Variants in ANKRD55 observed in about 807,000 individuals in gnomAD.
The protein encoded by ANKRD55 is ankyrin repeat domain-containing protein 55.
A neutral mutation model predicts 60.6 loss-of-function variants in ANKRD55; 41 were observed. That is an observed-to-expected ratio of 0.68 (90% CI 0.53 to 0.88). The LOEUF (loss-of-function observed/expected upper bound fraction) is 0.88, where lower values mean the gene tolerates loss of function less well. Among genes scored for constraint, ANKRD55 ranks in the 40% least tolerant of loss-of-function variants. ANKRD55 has a pLI of 0.00. For missense variants in ANKRD55, 732 were observed against 767.6 expected (o/e 0.95, Z 0.55); for synonymous variants, 264 against 290.3 (o/e 0.91, Z 0.92).
chr5:56,145,843 T>C (rs993237545), intron 6 of ANKRD55, among the ~76,000 whole-genome samples: 1 of 152,146 alleles, frequency 6.6e-6, no homozygotes, highest in East Asian at 1.9e-4. Context: ...TTTCAAGAAA[T>C]TGGTTCCATA....
intron 2 of ANKRD55, among the ~76,000 whole-genome samples, chr5:56,216,463 A>T (rs568707675): frequency 2.2e-4 from 33 of 152,378 alleles, no homozygotes; most frequent in Admixed American, 9.8e-4. Context: ...AAAGCTAGAA[A>T]TGATTAAGCT....
intron 6 of ANKRD55, among the ~76,000 whole-genome samples, chr5:56,144,350 C>T (rs897210095): frequency 2.9e-4 from 44 of 152,126 alleles, no homozygotes; most frequent in African/African-American, 1.0e-3. Context: ...AAGAGGACAG[C>T]CAACACCAAG....
At chr5:56,158,463 A>G (rs1326885250) in intron 6 of ANKRD55, among the ~76,000 whole-genome samples, 2 of 152,218 alleles carry the variant, frequency 1.3e-5, no homozygotes, top group Non-Finnish European at 2.9e-5. Flanking sequence ...ACTGCATTTT[A>G]AAAGAGTTAA....
chr5:56,159,870 T>G lies in ANKRD55; in HGVS notation c.446A>C (p.Gln149Pro). ...DMRLLTVLLQ[Q>P]SNISEINHQD... The stretch of plus-strand genomic sequence containing the variant: ...GTGATTAATCTCGCTGATGTTCGAC[T>G]GTTGCAACAGGACCGTGAGGAGCCT... Residue 149 changes from glutamine to proline, a missense_variant, in exon 6 of 12, where the codon CAG becomes CCG. Gln to Pro is a moderately conservative substitution (Grantham distance 76, BLOSUM62 -1). Transcript: ENST00000341048. 6.2e-7 allele frequency: 1 copy of G among 1,613,936 alleles called. No homozygotes were observed. Among genetic ancestry groups the G allele is most frequent in the South Asian group, 1.1e-5 (1 of 91,074 alleles).
At chr5:56,116,894 T>C in intron 8 of ANKRD55, 112 bp from the exon 9 acceptor site, 3 of 1,164,682 alleles carry the variant, frequency 2.6e-6, no homozygotes, top group Non-Finnish European at 3.5e-6. Context: ...AAAATCTTGT[T>C]GCCATTTACA....
rs1437995438 is a variant in ANKRD55 at position 56,132,868 on chromosome 5, A to G, written c.613-5762T>C. Among the ~76,000 whole-genome samples, 7 of 152,332 alleles carry G rather than the reference A, an allele frequency of 4.6e-5. No individual in the cohort carries two copies. The East Asian group carries it at 9.6e-4, about 21-fold the overall frequency. ...TAACCAAAAGAAAGCAGGAGTAGCT[A>G]TATATTATAATTCTAGACAGTGCAG... On this transcript the variant is annotated intron_variant, in intron 7 of 11. Coordinates refer to ENST00000341048, the MANE Select transcript of ANKRD55 (RefSeq NM_024669.3).
chr5:56,225,707 C>A (rs574975809), intron 2 of ANKRD55, among the ~76,000 whole-genome samples: 4 of 152,156 alleles, frequency 2.6e-5, no homozygotes, highest in African/African-American at 7.2e-5. Context: ...AACAGAGAGC[C>A]AAATCATGAG....
intron 2 of ANKRD55, among the ~76,000 whole-genome samples, chr5:56,223,879 A>T (rs1026767465): frequency 1.5e-4 from 23 of 152,192 alleles, no homozygotes; most frequent in Non-Finnish European, 2.9e-5. Flanking sequence ...CTCCCACACA[A>T]TAATAATGGG....
chr5:56,223,768 A>T (rs1319475577), intron 2 of ANKRD55, among the ~76,000 whole-genome samples: 1 of 152,252 alleles, frequency 6.6e-6, no homozygotes, highest in Non-Finnish European at 1.5e-5. Flanking sequence ...TGATAAAGGG[A>T]TCAATTAAAC....
intron 1 of ANKRD55, 37 bp from the exon 2 acceptor site, chr5:56,232,983 CAACA>C: frequency 6.9e-7 from 1 of 1,448,980 alleles, no homozygotes; most frequent in Non-Finnish European, 9.7e-7. Context: ...ACCTTACTGT[CAACA>C]TGACAGTCAG....
intron 5 of ANKRD55, among the ~76,000 whole-genome samples, chr5:56,161,177 C>T (rs1406380878): frequency 6.6e-6 from 1 of 151,702 alleles, no homozygotes; most frequent in African/African-American, 2.4e-5. Flanking sequence ...AATACCTGGA[C>T]TCTGTACTCA....
intron 9 of ANKRD55, among the ~76,000 whole-genome samples, chr5:56,113,727 G>A (rs1246049118): frequency 6.6e-6 from 1 of 151,918 alleles, no homozygotes; most frequent in East Asian, 1.9e-4. Flanking sequence ...AGGTCGAAGG[G>A]TACAAAGTTG....
At chr5:56,229,036 A>G (rs149573) in intron 2 of ANKRD55, among the ~76,000 whole-genome samples, 52,576 of 150,124 alleles carry the variant, frequency 0.35, 10,329 homozygotes, top group East Asian at 0.84. Context: ...ACAATACAGA[A>G]GAGTGGGTGA....
rs912608761 is a variant in ANKRD55 at position 56,111,391 on chromosome 5, C to T, written c.1357G>A (p.Ala453Thr). 1 of 1,613,980 alleles carries T rather than the reference C, an allele frequency of 6.2e-7. No homozygotes were observed. Among genetic ancestry groups the T allele is most frequent in the African/African-American group, 1.3e-5 (1 of 74,924 alleles). The change falls in exon 10 of 12, where the codon GCC becomes ACC. Residue 453 changes from alanine (A) to threonine (T), a missense_variant. Around this residue, in one of 3 missense-constraint regions of ANKRD55, gnomAD observed 597 missense variants for 607.5 expected, o/e 0.98. Coordinates refer to ENST00000341048, the MANE Select transcript of ANKRD55 (RefSeq NM_024669.3). ...GAGCTCAGGCCTGCATGGGAAGTGG[C>T]CCTATGGGAGGCTGTTAGGAAGTTA... is the stretch of plus-strand genomic sequence containing the variant. ...GNNFLTASHR[A>T]TSHAGLSSAP...
chr5:56,196,894 A>G (rs1759239350), intron 2 of ANKRD55, among the ~76,000 whole-genome samples: 2 of 152,166 alleles, frequency 1.3e-5, no homozygotes, highest in South Asian at 4.1e-4. Flanking sequence ...AACAAACAGC[A>G]TCAACATCAC....
At chr5:56,193,394 C>G in intron 2 of ANKRD55, 1 of 636,018 alleles carries the variant, frequency 1.6e-6, no homozygotes, top group Non-Finnish European at 2.8e-6. Context: ...CTACCTAGAA[C>G]CTTTTGGTAC....
intron 4 of ANKRD55, among the ~76,000 whole-genome samples, chr5:56,173,544 CT>C (rs1430736735): frequency 8.1e-5 from 2 of 24,814 alleles, no homozygotes; most frequent in South Asian, 1.6e-3. Context: ...AGATTCGCCT[CT>C]CTCTCTCTCT....
intron 7 of ANKRD55, among the ~76,000 whole-genome samples, chr5:56,142,997 G>T (rs1431588637): frequency 6.6e-6 from 1 of 152,182 alleles, no homozygotes; most frequent in Non-Finnish European, 1.5e-5. Flanking sequence ...GCCCACTTCT[G>T]CTGTACTTGG....
At chr5:56,145,434 C>T (rs1346144334) in intron 6 of ANKRD55, among the ~76,000 whole-genome samples, 2 of 152,162 alleles carry the variant, frequency 1.3e-5, no homozygotes, top group African/African-American at 4.8e-5. Flanking sequence ...GAGGACAAGG[C>T]TCTGGAAGAT....
Sources: allele counts gnomAD v4.1 joint callset (sites outside exome capture counted in the v4.1 genomes callset), GRCh38; gene constraint gnomAD v4.1.1; regional missense constraint gnomAD v4.1.1; transcripts MANE v1.5; gene names NCBI Gene and HGNC (gene_info 2026-07-23, HGNC 2026-07-21).